Variants in PMEPA1 observed in about 807,000 individuals in gnomAD.
The protein encoded by PMEPA1 is prostate transmembrane protein, androgen induced 1.
In PMEPA1, 11 loss-of-function variants were observed where a neutral mutation model predicts 23.0. The observed-to-expected ratio is 0.48, with a 90% confidence interval of 0.30 to 0.79. PMEPA1 has a LOEUF of 0.79. Ranked by LOEUF, PMEPA1 falls within the 30% of genes least tolerant of loss-of-function variation. PMEPA1 has a pLI of 0.06. For missense variants in PMEPA1, 377 were observed against 390.9 expected (o/e 0.96, Z 0.30); for synonymous variants, 204 against 166.4 (o/e 1.23, Z -1.74).
At chr20:57,697,667 G>C (rs2071959012) in intron 1 of PMEPA1, among the ~76,000 whole-genome samples, 1 of 152,192 alleles carries the variant, frequency 6.6e-6, no homozygotes, top group South Asian at 2.1e-4. Context: ...TATGCAGATG[G>C]GGAACCAACC....
upstream of PMEPA1, chr20:57,710,510 C>T (rs371865419): frequency 1.3e-6 from 2 of 1,595,350 alleles, no homozygotes; most frequent in South Asian, 2.3e-5. Flanking sequence ...TCCAGCAGCT[C>T]GGGGATCATG....
upstream of PMEPA1, chr20:57,711,059 C>G (rs2072174602): frequency 6.6e-6 from 1 of 152,230 alleles, no homozygotes; most frequent in Admixed American, 6.5e-5. Context: ...TCAAGGAAGT[C>G]GCTTGTTGAA....
At chr20:57,679,701 A>T (rs1245400041) in intron 1 of PMEPA1, among the ~76,000 whole-genome samples, 1 of 151,470 alleles carries the variant, frequency 6.6e-6, no homozygotes, top group Non-Finnish European at 1.5e-5. Flanking sequence ...ACATAGGTGA[A>T]TTTGTTATGC....
chr20:57,708,358 C>G (rs941680252), intron 1 of PMEPA1, among the ~76,000 whole-genome samples: 5 of 152,162 alleles, frequency 3.3e-5, no homozygotes, highest in African/African-American at 1.2e-4. Flanking sequence ...GGCTGGGGGA[C>G]AAGGTGTAGG....
In PMEPA1 at chr20:57,656,301, C is replaced by T. The variant is rs1375828740; in HGVS notation, c.265-3215G>A. 2.0e-5 allele frequency among the ~76,000 whole-genome samples: 3 copies of T among 151,338 alleles called. No homozygotes were observed. Among genetic ancestry groups the T allele is most frequent in the Non-Finnish European group, 3.0e-5 (2 of 67,734 alleles). On this transcript the variant is annotated intron_variant, in intron 2 of 3. Transcript: ENST00000341744. The surrounding 1 kb of genome is among the most constrained non-coding windows in gnomAD (Gnocchi z 4.7). ...TTGGCTCCCGCTGCTGGCAGATTGT[C>T]GCACATTGGCCTGGCCACAGTCTTG...
chr20:57,700,285 C>A, intron 1 of PMEPA1: 1 of 379,640 alleles, frequency 2.6e-6, no homozygotes, highest in Non-Finnish European at 5.4e-6. Context: ...AACTGAGGTA[C>A]ACAATAACTC....
Position 57,652,552 on chromosome 20 carries a change from G to C in PMEPA1, c.365C>G (p.Pro122Arg). 2.6e-6 allele frequency: 4 copies of C among 1,530,292 alleles called. No individual in the cohort carries two copies. Among genetic ancestry groups the C allele is most frequent in the East Asian group, 4.6e-5 (2 of 43,700 alleles). The allele number at this position is 1,530,292 out of a possible 1,614,324, so 94.8% of individuals were successfully genotyped here. Residue 122 changes from proline (P) to arginine (R), a missense_variant, in exon 4 of 4, where the codon CCG (proline) becomes CGG (arginine). Pro to Arg is a moderately radical substitution (Grantham distance 103). Coordinates refer to ENST00000341744, the MANE Select transcript of PMEPA1 (RefSeq NM_020182.5). This position sits in a 1 kb window ranked among gnomAD's most constrained non-coding sequence, Gnocchi z 6.1. ...PPRPTDRLAV[P>R]PFAQRERFHR... ...GAAGCGCTCCCGCTGGGCGAAGGGC[G>C]GCACGGCCAGGCGGTCGGTGGGCCG...
chr20:57,677,548 TC>T (rs778661309), intron 1 of PMEPA1, among the ~76,000 whole-genome samples: 28 of 152,180 alleles, frequency 1.8e-4, no homozygotes, highest in Non-Finnish European at 3.5e-4. Context: ...AAATGTCCAT[TC>T]CCCAGCACTC....
intron 1 of PMEPA1, among the ~76,000 whole-genome samples, chr20:57,679,241 CA>C (rs1357488958): frequency 6.6e-6 from 1 of 152,212 alleles, no homozygotes; most frequent in East Asian, 1.9e-4. Flanking sequence ...ATGGCAAGTG[CA>C]AATGCCCTGA....
rs201235132 is a variant in PMEPA1 at position 57,686,014 on chromosome 20, G to A, written c.109+23460C>T. Among the ~76,000 whole-genome samples the A allele has an allele frequency of 8.8e-4, 134 of 152,246 alleles. 1 individual carries two copies. In the East Asian group the frequency reaches 0.021, roughly 24 times the overall value. ...GGAGGTGGGCTGGCTGCAAGGGTGT[G>A]GCCCGGGGACACACTCAGGGTGACA... On this transcript the variant is annotated intron_variant, in intron 1 of 3. Coordinates refer to ENST00000341744, the MANE Select transcript of PMEPA1 (RefSeq NM_020182.5).
At chr20:57,659,726 C>T in intron 1 of PMEPA1, 29 bp from the exon 2 acceptor site, 1 of 1,551,978 alleles carries the variant, frequency 6.4e-7, no homozygotes, top group Non-Finnish European at 8.7e-7. Flanking sequence ...ACACGTGAGA[C>T]CCTGGACACC....
intron 1 of PMEPA1, among the ~76,000 whole-genome samples, chr20:57,703,163 C>A (rs1462056851): frequency 6.6e-6 from 1 of 152,232 alleles, no homozygotes; most frequent in African/African-American, 2.4e-5. Flanking sequence ...GTGCAGCCCA[C>A]CCTGGGGAGA....
At chr20:57,653,561 T>C (rs2071284306) in intron 2 of PMEPA1, among the ~76,000 whole-genome samples, 1 of 152,252 alleles carries the variant, frequency 6.6e-6, no homozygotes, top group Non-Finnish European at 1.5e-5. Context: ...AGTACTTGCC[T>C]CATAGTTGCT....
chr20:57,692,385 G>A (rs570112431), intron 1 of PMEPA1, among the ~76,000 whole-genome samples: 1 of 152,370 alleles, frequency 6.6e-6, no homozygotes, highest in East Asian at 1.9e-4. Flanking sequence ...ATGGGGGCAG[G>A]TGAGCAATGG....
At chr20:57,677,399 T>C (rs1158793871) in intron 1 of PMEPA1, among the ~76,000 whole-genome samples, 1 of 152,196 alleles carries the variant, frequency 6.6e-6, no homozygotes, top group Non-Finnish European at 1.5e-5. Context: ...TGCTTGTTCA[T>C]TGTCAAGTGC....
intron 1 of PMEPA1, chr20:57,690,442 T>C (rs1339428409): frequency 3.1e-6 from 4 of 1,304,326 alleles, no homozygotes; most frequent in Non-Finnish European, 4.0e-6. Context: ...CTGTCATTTA[T>C]CAAATTCTTT....
intron 1 of PMEPA1, among the ~76,000 whole-genome samples, chr20:57,684,983 G>C (rs2071781636): frequency 6.6e-6 from 1 of 152,056 alleles, no homozygotes; most frequent in Non-Finnish European, 1.5e-5. Context: ...ATGCTGCCAG[G>C]AGGCAAAGTG....
chr20:57,675,294 A>G (rs1367570552), intron 1 of PMEPA1, among the ~76,000 whole-genome samples: 2 of 152,108 alleles, frequency 1.3e-5, no homozygotes, highest in African/African-American at 2.4e-5. Flanking sequence ...AACTCAAAAC[A>G]AAGTACCCAC....
chr20:57,660,051 T>G (rs1002123932), intron 1 of PMEPA1, among the ~76,000 whole-genome samples: 1 of 152,164 alleles, frequency 6.6e-6, no homozygotes, highest in Non-Finnish European at 1.5e-5. Context: ...GTTCTGCAGA[T>G]GCACAGCGTG....
Sources: gnomAD v4.1 joint callset for allele counts (sites outside exome capture counted in the v4.1 genomes callset) on GRCh38, gnomAD v4.1.1 for gene constraint, Gnocchi (gnomAD v3.1) non-coding constraint, MANE v1.5 for transcripts, NCBI Gene and HGNC (gene_info 2026-07-23, HGNC 2026-07-21) for gene names.